Variants in IFNGR2 observed in about 807,000 individuals in gnomAD.
IFNGR2 encodes interferon gamma receptor 2, also known as IFN-gamma receptor 2.
In IFNGR2, 15 loss-of-function variants were observed where a neutral mutation model predicts 41.1. The ratio of observed to expected loss-of-function variants is 0.37; its 90% CI spans 0.24 to 0.56. The LOEUF (loss-of-function observed/expected upper bound fraction) is 0.56. Among genes scored for constraint, IFNGR2 ranks in the 20% least tolerant of loss-of-function variants. The probability of loss-of-function intolerance (pLI) is 0.81; values close to 1 mark genes in which losing one functional copy is unlikely to be tolerated. For synonymous variants in IFNGR2, 161 were observed against 171.6 expected (o/e 0.94, Z 0.48); for missense variants, 362 against 415.7 (o/e 0.87, Z 1.12).
intron 1 of IFNGR2, among the ~76,000 whole-genome samples, chr21:33,408,047 A>C (rs1417729499): frequency 6.6e-6 from 1 of 152,084 alleles, no homozygotes; most frequent in Non-Finnish European, 1.5e-5. Flanking sequence ...CTTTCATCAT[A>C]ATGTCCCCGC....
chr21:33,423,035 ACTTT>A (rs2083806807), intron 3 of IFNGR2, among the ~76,000 whole-genome samples: 1 of 118,146 alleles, frequency 8.5e-6, no homozygotes, highest in Non-Finnish European at 1.9e-5. Flanking sequence ...TCTTCCCTCT[ACTTT>A]TTTTTTTTTT....
At chr21:33,426,792 T>TATAC (rs1555881154) in intron 3 of IFNGR2, 92 bp from the exon 4 acceptor site, 1 of 664,214 alleles carries the variant, frequency 1.5e-6, no homozygotes. Context: ...TATATATATA[T>TATAC]ACATATATAT....
At chr21:33,404,106 C>T (rs906437171) in intron 1 of IFNGR2, among the ~76,000 whole-genome samples, 3 of 152,274 alleles carry the variant, frequency 2.0e-5, no homozygotes, top group African/African-American at 7.2e-5. Context: ...GAATCCAGGG[C>T]TCCGGCGGGG....
rs1204455026 is a variant in IFNGR2, at chr21:33,427,021, G to A, written c.550G>A (p.Gly184Arg). The A allele has an allele frequency of 6.2e-7, 1 of 1,611,520 alleles. No individual in the cohort carries two copies. Among genetic ancestry groups the A allele is most frequent in the East Asian group, 2.2e-5 (1 of 44,654 alleles). The part of the protein sequence containing the change: ...CYYVHYWEKG[G>R]IQQVKGPFRS... ...TTATGTCCATTACTGGGAAAAAGGA[G>A]GAATCCAACAGGCAAGAGCATCTTT... Residue 184 changes from glycine to arginine, a missense_variant, in exon 4 of 7, where the codon GGA becomes AGA. Coordinates refer to ENST00000290219, the MANE Select transcript of IFNGR2 (RefSeq NM_005534.4).
chr21:33,418,605 AT>A (rs1430976240), intron 2 of IFNGR2, among the ~76,000 whole-genome samples: 1 of 152,212 alleles, frequency 6.6e-6, no homozygotes, highest in Non-Finnish European at 1.5e-5. Context: ...CATTGCTATG[AT>A]TAAAAATGAA....
Position 33,421,703 on chromosome 21 carries a change from T to TAG in IFNGR2, c.412+20_412+21dup. Reference sequence around the variant, plus strand: ...TCGGAATGGTAAGAGAACTTGAGTATAGAACTTCCTTTATACTTTCCAGGT... The same window carrying TAG: ...TCGGAATGGTAAGAGAACTTGAGTATAGAGAACTTCCTTTATACTTTCCAGGT... On this transcript the variant is annotated intron_variant, in intron 3 of 6. Coordinates refer to ENST00000290219, the MANE Select transcript of IFNGR2 (RefSeq NM_005534.4). The TAG allele has an allele frequency of 6.3e-7, 1 of 1,586,062 alleles. No individual in the cohort carries two copies. Among genetic ancestry groups the TAG allele is most frequent in the South Asian group, 1.1e-5 (1 of 90,476 alleles).
chr21:33,419,008 C>T (rs2083772288), intron 2 of IFNGR2, among the ~76,000 whole-genome samples: 1 of 152,160 alleles, frequency 6.6e-6, no homozygotes, highest in African/African-American at 2.4e-5. Context: ...TATAGAAAAT[C>T]TGGACAATCT....
chr21:33,415,129 C>T (rs766492531), intron 2 of IFNGR2, 109 bp downstream of exon 2: 12 of 1,318,586 alleles, frequency 9.1e-6, no homozygotes, highest in East Asian at 4.6e-5. Flanking sequence ...TTATCAAACC[C>T]GTGGGAAACA....
At position 33,436,876 on chromosome 21, in the gene IFNGR2, A is replaced by C; in HGVS notation, c.928A>C (p.Ser310Arg). 3.7e-6 allele frequency: 6 copies of C among 1,614,030 alleles called. No individual in the cohort carries two copies. Among genetic ancestry groups the C allele is most frequent in the Non-Finnish European group, 4.2e-6 (5 of 1,179,854 alleles). Residue 310 changes from serine (S) to arginine (R), a missense_variant, in exon 7 of 7, where the codon AGC (serine) becomes CGC (arginine). Physicochemically the swap from Ser to Arg is moderately radical, Grantham distance 110 (BLOSUM62 -1). Coordinates refer to ENST00000290219, the MANE Select transcript of IFNGR2 (RefSeq NM_005534.4). ...CATCTTAGAGGCCTTGGACAAGGACAGCTCACCAAAGGATGACGTCTGGGA... is the reference window on the plus strand; with the variant it reads ...CATCTTAGAGGCCTTGGACAAGGACCGCTCACCAAAGGATGACGTCTGGGA... ...QPILEALDKD[S>R]SPKDDVWDSV...
intron 6 of IFNGR2, among the ~76,000 whole-genome samples, chr21:33,434,771 T>C (rs1372944715): frequency 6.6e-6 from 1 of 152,168 alleles, no homozygotes. Context: ...AGAACCTCCC[T>C]GGTTAATATT....
intron 2 of IFNGR2, among the ~76,000 whole-genome samples, chr21:33,420,034 T>A (rs1218553159): frequency 6.6e-6 from 1 of 152,158 alleles, no homozygotes; most frequent in African/African-American, 2.4e-5. Context: ...TGGTTTGCGA[T>A]CCCTCTCCCC....
Position 33,437,061 on chromosome 21 carries a change from T to C in IFNGR2, c.*99T>C. On this transcript the variant is annotated 3_prime_UTR_variant, in exon 7 of 7. Transcript: ENST00000290219. ...ACTTTCCAGAGACCAGTATTCCCTTTTGCTGCCTCTAAAAGGCCTGTCCCT... is the reference window on the plus strand; with the variant it reads ...ACTTTCCAGAGACCAGTATTCCCTTCTGCTGCCTCTAAAAGGCCTGTCCCT... 3.1e-6 allele frequency: 4 copies of C among 1,271,110 alleles called. No homozygotes were observed. In the Admixed American group the frequency reaches 5.3e-5, roughly 17 times the overall value. 78.7% of individuals were successfully genotyped at this position (1,271,110 alleles called of 1,614,324 possible).
intron 2 of IFNGR2, among the ~76,000 whole-genome samples, chr21:33,418,679 T>C (rs2083770207): frequency 6.6e-6 from 1 of 152,190 alleles, no homozygotes; most frequent in Admixed American, 6.5e-5. Flanking sequence ...GATGGGAGAA[T>C]TTCAAGTCTA....
chr21:33,426,698 C>T (rs1239867800), intron 3 of IFNGR2, among the ~76,000 whole-genome samples, 186 bp from the exon 4 acceptor site: 1 of 150,750 alleles, frequency 6.6e-6, no homozygotes, highest in Non-Finnish European at 1.5e-5. Context: ...CTAGCCTGGG[C>T]GACAGAGCAA....
chr21:33,418,695 T>C (rs2083770276), intron 2 of IFNGR2, among the ~76,000 whole-genome samples: 1 of 152,196 alleles, frequency 6.6e-6, no homozygotes, highest in Non-Finnish European at 1.5e-5. Flanking sequence ...GTCTAAATCA[T>C]GGGTAGCAGA....
At chr21:33,414,344 A>ATGTT (rs1555879753) in intron 1 of IFNGR2, among the ~76,000 whole-genome samples, 1 of 151,564 alleles carries the variant, frequency 6.6e-6, no homozygotes, top group Admixed American at 6.6e-5. Flanking sequence ...CTGATTTAGG[A>ATGTT]TGTTTGTGTG....
At chr21:33,406,205 T>G (rs2083676208) in intron 1 of IFNGR2, among the ~76,000 whole-genome samples, 1 of 151,874 alleles carries the variant, frequency 6.6e-6, no homozygotes, top group Non-Finnish European at 1.5e-5. Flanking sequence ...TAAAAACCCC[T>G]TCTTTACTAA....
At position 33,421,570 on chromosome 21, in the gene IFNGR2, C is replaced by T. The variant is rs754424181; in HGVS notation, c.297C>T (p.Ala99=). ...ITATECDFTA[A]SPSAGFPMDF... ...CAACAGAGTGTGACTTCACTGCCGC[C>T]AGTCCCTCAGCAGGCTTCCCAATGG... Residue 99 remains alanine (A), a synonymous_variant, in exon 3 of 7, where the codon GCC becomes GCT. Transcript: ENST00000290219. 1 of 1,614,066 alleles carries T rather than the reference C, an allele frequency of 6.2e-7. No homozygotes were observed. The highest frequency in any genetic ancestry group is 1.1e-5 in the South Asian group (1 of 91,076).
rs121913205 is a variant in IFNGR2, at chr21:33,426,825, A to G, written c.413-59A>G. The G allele has an allele frequency of 2.3e-4, 280 of 1,239,662 alleles. No individual in the cohort carries two copies. The highest frequency in any genetic ancestry group is 7.0e-4 in the Admixed American group (41 of 58,934). The allele number at this position is 1,239,662 out of a possible 1,614,324, so 76.8% of individuals were successfully genotyped here. On this transcript the variant is annotated intron_variant, in intron 3 of 6. Transcript: ENST00000290219. ...TATATAGCATTATATAATACATTGT[A>G]TTATATCTATAATACATATGTGTAT... is the stretch of plus-strand genomic sequence containing the variant.
Sources: allele counts gnomAD v4.1 joint callset (sites outside exome capture counted in the v4.1 genomes callset), GRCh38; gene constraint gnomAD v4.1.1; transcripts MANE v1.5; gene names NCBI Gene and HGNC (gene_info 2026-07-23, HGNC 2026-07-21).